The following ZNF425 variants were observed in gnomAD, a reference collection of about 807,000 sequenced individuals.
The protein encoded by ZNF425 is zinc finger protein 425.
A neutral mutation model predicts 17.0 loss-of-function variants in ZNF425; 21 were observed. That is an observed-to-expected ratio of 1.23 (90% CI 0.88 to 1.78). The LOEUF is 1.78. Ranked by LOEUF, ZNF425 falls within the 40% of genes most tolerant of loss-of-function variation. The probability of loss-of-function intolerance (pLI) is 0.00; values close to 1 mark genes in which losing one functional copy is unlikely to be tolerated. For missense variants in ZNF425, 868 were observed against 967.3 expected (o/e 0.90, Z 1.36); for synonymous variants, 433 against 384.1 (o/e 1.13, Z -1.49).
At chr7:149,105,721 G>A (rs1005430581) in intron 3 of ZNF425, among the ~76,000 whole-genome samples, 155 bp from the exon 4 acceptor site, 1 of 151,952 alleles carries the variant, frequency 6.6e-6, no homozygotes, top group Non-Finnish European at 1.5e-5. Context: ...TGCGATCTCG[G>A]CTCACTGCAA....
chr7:149,118,378 TTTTAC>T (rs1355223208), intron 1 of ZNF425, 30 bp from the exon 2 acceptor site: 1 of 1,611,332 alleles, frequency 6.2e-7, no homozygotes, highest in Non-Finnish European at 8.5e-7. Context: ...ACACATACAT[TTTTAC>T]TTTACGGCTA....
intron 1 of ZNF425, among the ~76,000 whole-genome samples, chr7:149,123,720 C>T (rs1478358062): frequency 1.3e-5 from 2 of 150,950 alleles, no homozygotes; most frequent in African/African-American, 2.4e-5. Flanking sequence ...TTAGTAGAGA[C>T]CGGGTTTCGC....
In ZNF425 at chr7:149,103,613, T is replaced by C. The variant is rs764937745; in HGVS notation, c.2258A>G (p.Ter753TrpextTer26). 3.1e-6 allele frequency: 5 copies of C among 1,596,406 alleles called. No homozygotes were observed. The highest frequency in any genetic ancestry group is 4.5e-5 in the East Asian group (2 of 44,826). ...TGCGTGACTGCTGCATGGCCTGACCTAGAGGCTGGAGGGCTTCTCTTTGGC... is the reference window on the plus strand; with the variant it reads ...TGCGTGACTGCTGCATGGCCTGACCCAGAGGCTGGAGGGCTTCTCTTTGGC... ...VHAKEKPSSL[*>W] Residue 753 changes from the stop codon to tryptophan, a stop_lost, in exon 4 of 4, where the codon TAG becomes TGG. Transcript: ENST00000378061.
At chr7:149,111,621 A>AAAAAAAATT (rs1826178758) in intron 3 of ZNF425, among the ~76,000 whole-genome samples, 1 of 144,522 alleles carries the variant, frequency 6.9e-6, no homozygotes, top group Non-Finnish European at 1.5e-5. Flanking sequence ...AAAAAAAAAA[A>AAAAAAAATT]TTATATATCT....
At position 149,104,522 on chromosome 7, in the gene ZNF425, C is replaced by A; in HGVS notation, c.1349G>T (p.Gly450Val). The change falls in exon 4 of 4, where the codon GGC (glycine) becomes GTC (valine). Residue 450 changes from glycine (G) to valine (V), a missense_variant. Transcript: ENST00000378061. The surrounding 1 kb of genome is among the most constrained non-coding windows in gnomAD (Gnocchi z 4.3). ...RPFQCPECSRGFFWRNAMRAH... is the reference protein window; with the variant it reads ...RPFQCPECSRVFFWRNAMRAH... Reference sequence around the variant, plus strand: ...GCGCATGGCGTTCCTCCAGAAGAAGCCCCTGCTGCACTCCGGGCACTGGAA... The same window carrying A: ...GCGCATGGCGTTCCTCCAGAAGAAGACCCTGCTGCACTCCGGGCACTGGAA... 2 of 1,604,436 alleles carry A rather than the reference C, an allele frequency of 1.2e-6. No homozygotes were observed. Among genetic ancestry groups the A allele is most frequent in the Non-Finnish European group, 1.7e-6 (2 of 1,176,254 alleles).
chr7:149,112,931 C>T (rs144597955), intron 2 of ZNF425, among the ~76,000 whole-genome samples: 6,657 of 149,674 alleles, frequency 0.044, 504 homozygotes, highest in African/African-American at 0.15. Flanking sequence ...TCCCAAAGTG[C>T]TGGGATTATA....
At chr7:149,112,015 A>G in intron 3 of ZNF425, 122 bp downstream of exon 3, 1 of 1,013,728 alleles carries the variant, frequency 9.9e-7, no homozygotes, top group Non-Finnish European at 1.4e-6. Flanking sequence ...AAGAAAACTA[A>G]CATTCTCCAT....
intron 1 of ZNF425, among the ~76,000 whole-genome samples, chr7:149,124,776 G>A (rs1359269635): frequency 1.3e-5 from 2 of 149,278 alleles, no homozygotes; most frequent in African/African-American, 2.5e-5. Flanking sequence ...CCCGACCTCA[G>A]GTGATCCGCC....
At chr7:149,105,607 T>C (rs1826067914) in intron 3 of ZNF425, 41 bp from the exon 4 acceptor site, 2 of 1,446,814 alleles carry the variant, frequency 1.4e-6, no homozygotes, top group Non-Finnish European at 1.8e-6. Context: ...GTGATATGTC[T>C]ACCCTATAAA....
At position 149,126,300 on chromosome 7, in the gene ZNF425, C is replaced by T; in HGVS notation, c.-87G>A. 1 of 1,526,314 alleles carries T rather than the reference C, an allele frequency of 6.6e-7. No individual in the cohort carries two copies. Among genetic ancestry groups the T allele is most frequent in the Non-Finnish European group, 8.8e-7 (1 of 1,135,944 alleles). 94.5% of individuals were successfully genotyped at this position (1,526,314 alleles called of 1,614,324 possible). ...ACTCCCAGGTACAGCCCTGCTGGCCCCCAAAGGCAGAGCCGGCCGGGCGCG... is the reference window on the plus strand; with the variant it reads ...ACTCCCAGGTACAGCCCTGCTGGCCTCCAAAGGCAGAGCCGGCCGGGCGCG... On this transcript the variant is annotated 5_prime_UTR_variant, in exon 1 of 4. Coordinates refer to ENST00000378061, the MANE Select transcript of ZNF425 (RefSeq NM_001001661.3).
At chr7:149,125,533 T>C (rs778262406) in intron 1 of ZNF425, among the ~76,000 whole-genome samples, 6 of 152,160 alleles carry the variant, frequency 3.9e-5, no homozygotes, top group Non-Finnish European at 7.3e-5. Context: ...TGAAACTACC[T>C]TCAGCAGGAG....
intron 3 of ZNF425, 62 bp from the exon 4 acceptor site, chr7:149,105,628 G>T (rs574719713): frequency 2.6e-6 from 3 of 1,176,406 alleles, no homozygotes; most frequent in Non-Finnish European, 3.3e-6. Flanking sequence ...TGGGTTCAAG[G>T]ACTGTCTTTT....
At chr7:149,116,527 A>G (rs1826269304) in intron 2 of ZNF425, among the ~76,000 whole-genome samples, 1 of 152,178 alleles carries the variant, frequency 6.6e-6, no homozygotes, top group Non-Finnish European at 1.5e-5. Context: ...TTCAGCTGCC[A>G]TGAAATCGCA....
chr7:149,111,335 T>C (rs1826172122), intron 3 of ZNF425, among the ~76,000 whole-genome samples: 1 of 151,080 alleles, frequency 6.6e-6, no homozygotes, highest in African/African-American at 2.4e-5. Flanking sequence ...CTCATGCCTG[T>C]AATCCCAGCA....
chr7:149,105,859 C>T (rs1826075343), intron 3 of ZNF425, among the ~76,000 whole-genome samples: 1 of 151,604 alleles, frequency 6.6e-6, no homozygotes, highest in African/African-American at 2.4e-5. Context: ...ACCATGTTAG[C>T]CAGGATGACC....
intron 1 of ZNF425, among the ~76,000 whole-genome samples, chr7:149,123,929 G>T (rs1826405149): frequency 6.8e-6 from 1 of 146,580 alleles, no homozygotes. Flanking sequence ...CTCACTGCAA[G>T]CTCCGCCTCC....
At chr7:149,107,038 C>T (rs142773132) in intron 3 of ZNF425, among the ~76,000 whole-genome samples, 2,029 of 148,632 alleles carry the variant, frequency 0.014, 17 homozygotes, top group African/African-American at 0.023. Flanking sequence ...ACCCAGGAGA[C>T]GGAGGTTGTA....
In ZNF425 at chr7:149,105,041, G is replaced by A; in HGVS notation, c.830C>T (p.Pro277Leu). ...GTACCGGAAGGTCTTGTCGCACTCA[G>A]GGCATGGGTAGGGCCGCTGGCCGGT... Reference protein sequence around the residue: ...VHTGQRPYPCPECDKTFRYRA... With the variant: ...VHTGQRPYPCLECDKTFRYRA... The change falls in exon 4 of 4, where the codon CCT becomes CTT. Residue 277 changes from proline to leucine, a missense_variant. Physicochemically the swap from Pro to Leu is moderately conservative, Grantham distance 98. This residue lies in a region of ZNF425 where 243 missense variants were observed against 265.2 expected (regional missense o/e 0.92). Coordinates refer to ENST00000378061, the MANE Select transcript of ZNF425 (RefSeq NM_001001661.3). 5 of 1,614,256 alleles carry A rather than the reference G, an allele frequency of 3.1e-6. No individual in the cohort carries two copies. The highest frequency in any genetic ancestry group is 1.1e-5 in the South Asian group (1 of 91,088).
At chr7:149,119,522 C>T (rs10266497) in intron 1 of ZNF425, among the ~76,000 whole-genome samples, 2 of 152,164 alleles carry the variant, frequency 1.3e-5, no homozygotes, top group East Asian at 3.8e-4. Flanking sequence ...GTTATTTCAT[C>T]GCATATGCTC....
Sources: allele counts gnomAD v4.1 joint callset (sites outside exome capture counted in the v4.1 genomes callset), GRCh38; gene constraint gnomAD v4.1.1; regional missense constraint gnomAD v4.1.1; non-coding constraint Gnocchi (gnomAD v3.1); transcripts MANE v1.5; gene names NCBI Gene and HGNC (gene_info 2026-07-23, HGNC 2026-07-21).